The following PRRC2B variants were observed in gnomAD, a reference collection of about 807,000 sequenced individuals.
PRRC2B encodes the protein proline rich coiled-coil 2B.
In PRRC2B, 68 loss-of-function variants were observed where a neutral mutation model predicts 242.3. The ratio of observed to expected loss-of-function variants is 0.28; its 90% CI spans 0.23 to 0.34. The LOEUF (loss-of-function observed/expected upper bound fraction) is 0.34. Among genes scored for constraint, PRRC2B ranks in the 10% least tolerant of loss-of-function variants. The pLI, the probability that PRRC2B is intolerant of heterozygous loss-of-function variation, is 1.00. For synonymous variants in PRRC2B, 1,228 were observed against 1,173.6 expected (o/e 1.05, Z -0.95); for missense variants, 2,835 against 2,954.8 (o/e 0.96, Z 0.94).
In PRRC2B at chr9:131,446,658, G is replaced by A; in HGVS notation, c.855+16G>A. On this transcript the variant is annotated intron_variant, in intron 7 of 31. Transcript: ENST00000683519. The surrounding 1 kb of genome is among the most constrained non-coding windows in gnomAD (Gnocchi z 4.1). ...TCCTGCTTTTGTAAGTCTTCAGAGT[G>A]TACTTTTTTTCCCCCCATGAAGTTG... The A allele has an allele frequency of 1.2e-6, 2 of 1,612,486 alleles. No homozygotes were observed. The highest frequency in any genetic ancestry group is 1.3e-5 in the African/African-American group (1 of 74,974).
At chr9:131,375,959 G>A (rs1836677860) in intron 1 of PRRC2B, among the ~76,000 whole-genome samples, 1 of 149,512 alleles carries the variant, frequency 6.7e-6, no homozygotes, top group African/African-American at 2.5e-5. Context: ...TGAGGCAGGA[G>A]AATCACTTGA....
Position 131,487,597 on chromosome 9 carries a change from C to T in PRRC2B, c.5985-259C>T, listed in dbSNP as rs912668337. 2.6e-5 allele frequency among the ~76,000 whole-genome samples: 4 copies of T among 152,186 alleles called. No individual in the cohort carries two copies. The highest frequency in any genetic ancestry group is 4.4e-5 in the Non-Finnish European group (3 of 68,024). The stretch of plus-strand genomic sequence containing the variant: ...GTCTCCTCCCCACCGCGGGCTTCTC[C>T]GTCAGTGTGGCTGCCAGTCATTGTG... On this transcript the variant is annotated intron_variant, in intron 27 of 31. Coordinates refer to ENST00000683519, the MANE Select transcript of PRRC2B (RefSeq NM_013318.4). This position sits in a 1 kb window ranked among gnomAD's most constrained non-coding sequence, Gnocchi z 5.3.
chr9:131,379,325 G>A (rs12378591), intron 1 of PRRC2B, among the ~76,000 whole-genome samples: 134 of 152,154 alleles, frequency 8.8e-4, no homozygotes, highest in Non-Finnish European at 1.7e-3. Context: ...AGAATTTCTG[G>A]GTCATATGAG....
chr9:131,378,543 T>G (rs1836714806), intron 1 of PRRC2B, among the ~76,000 whole-genome samples: 1 of 152,146 alleles, frequency 6.6e-6, no homozygotes, highest in South Asian at 2.1e-4. Context: ...CCCCAAGGGC[T>G]GTGAGCAGCA....
intron 1 of PRRC2B, among the ~76,000 whole-genome samples, chr9:131,398,385 T>A (rs1379226879): frequency 6.6e-6 from 1 of 152,272 alleles, no homozygotes; most frequent in Admixed American, 6.5e-5. Flanking sequence ...TCCGAGGTGC[T>A]GGCAGCAGCA....
intron 1 of PRRC2B, among the ~76,000 whole-genome samples, chr9:131,410,528 G>C (rs1029858171): frequency 1.8e-4 from 28 of 152,182 alleles, no homozygotes; most frequent in African/African-American, 6.3e-4. Flanking sequence ...CACTGCCCAA[G>C]TAAGTCTGGA....
At position 131,386,112 on chromosome 9, in the gene PRRC2B, G is replaced by A. The variant is rs142719333; in HGVS notation, c.-56+12381G>A. On this transcript the variant is annotated intron_variant, in intron 1 of 1. Coordinates refer to the PRRC2B transcript ENST00000682525. ...TTTACGGGGCAAGTGAAGGATCTCT[G>A]TTTGTTTGTTTTTTTTAAGAGATAG... Among the ~76,000 whole-genome samples, 81 of 147,334 alleles carry A rather than the reference G, an allele frequency of 5.5e-4. 3 individuals carry two copies. The highest frequency in any genetic ancestry group is 7.8e-4 in the Admixed American group (11 of 14,060).
rs183100679 is a variant in PRRC2B at position 131,385,789 on chromosome 9, G to A, written c.-56+12058G>A. Among the ~76,000 whole-genome samples the A allele has an allele frequency of 2.4e-3, 358 of 150,070 alleles. 7 individuals are homozygous for A. Among genetic ancestry groups the A allele is most frequent in the Middle Eastern group, 0.014 (4 of 288 alleles). On this transcript the variant is annotated intron_variant, in intron 1 of 1. Coordinates refer to the PRRC2B transcript ENST00000682525. ...GCTCACTGCAAGCTCCGCCTCCTGGGTTCACGCCATTCTCCTGCCTCAGCC... is the reference window on the plus strand; with the variant it reads ...GCTCACTGCAAGCTCCGCCTCCTGGATTCACGCCATTCTCCTGCCTCAGCC...
At chr9:131,389,174 CAG>C (rs1276848361), upstream of PRRC2B, among the ~76,000 whole-genome samples, 2 of 114,770 alleles carry the variant, frequency 1.7e-5, no homozygotes, top group African/African-American at 3.4e-5. Flanking sequence ...TTTTTTGAGA[CAG>C]AGTTTCGCTC....
intron 26 of PRRC2B, 22 bp downstream of exon 26, chr9:131,486,204 G>A: frequency 6.5e-7 from 1 of 1,532,524 alleles, no homozygotes; most frequent in Non-Finnish European, 9.0e-7. Flanking sequence ...TAGCCAGGTG[G>A]CCTGGCTGGG....
In PRRC2B at chr9:131,495,831, C is replaced by T. The variant is rs758451962; in HGVS notation, c.6647C>T (p.Ala2216Val). The part of the protein sequence containing the change: ...SAASQMKRTG[A>V]IKPRAVKVEE... ...GCCTCCCAGATGAAGCGAACCGGAG[C>T]GATCAAGCCTCGGGCTGTCAAAGTG... Residue 2216 changes from alanine (A) to valine (V), a missense_variant, in exon 32 of 32, where the codon GCG becomes GTG. Around this residue, in one of 7 missense-constraint regions of PRRC2B, gnomAD observed 574 missense variants for 626.0 expected, o/e 0.92. Coordinates refer to ENST00000683519, the MANE Select transcript of PRRC2B (RefSeq NM_013318.4). 9.9e-6 allele frequency: 16 copies of T among 1,612,266 alleles called. No homozygotes were observed. The highest frequency in any genetic ancestry group is 2.7e-5 in the African/African-American group (2 of 75,038).
chr9:131,455,264 G>A, intron 10 of PRRC2B, 98 bp downstream of exon 10: 2 of 782,312 alleles, frequency 2.6e-6, no homozygotes, highest in Non-Finnish European at 4.2e-6. Flanking sequence ...ACCTGGAATG[G>A]CAGACAGATG....
intron 1 of PRRC2B, among the ~76,000 whole-genome samples, chr9:131,410,221 C>G (rs1432168895): frequency 6.6e-6 from 1 of 152,238 alleles, no homozygotes; most frequent in Non-Finnish European, 1.5e-5. Context: ...AGGCTTCAGC[C>G]CAAGCCTGCC....
chr9:131,439,962 A>G (rs2994058), intron 5 of PRRC2B, among the ~76,000 whole-genome samples: 148,390 of 151,688 alleles, frequency 0.98, 72,675 homozygotes, highest in East Asian at 1. Flanking sequence ...GCCCAGGCTG[A>G]TCTCAAACTC....
chr9:131,442,050 C>G (rs1316811434), intron 5 of PRRC2B, among the ~76,000 whole-genome samples: 1 of 152,000 alleles, frequency 6.6e-6, no homozygotes, highest in South Asian at 2.1e-4. Flanking sequence ...TCATGATTCT[C>G]GAAGCAGAAG....
intron 9 of PRRC2B, among the ~76,000 whole-genome samples, chr9:131,454,359 G>T (rs1483986262): frequency 1.3e-5 from 2 of 152,222 alleles, no homozygotes; most frequent in African/African-American, 4.8e-5. Flanking sequence ...TCAAGCTTCT[G>T]TATTCTAAGG....
chr9:131,432,872 AC>A lies in PRRC2B; in HGVS notation c.293+81del, dbSNP rs573744917. ...CGGCATCCTTCCCTGTGGCAAACTA[AC>A]CCTAACCCTTTGGCTACTGCAGCGC... On this transcript the variant is annotated intron_variant, in intron 3 of 31. Coordinates refer to ENST00000683519, the MANE Select transcript of PRRC2B (RefSeq NM_013318.4). 472 of 1,469,936 alleles carry A rather than the reference AC, an allele frequency of 3.2e-4. 2 individuals carry two copies. The African/African-American group carries it at 6.0e-3, about 19-fold the overall frequency. The allele number at this position is 1,469,936 out of a possible 1,614,324, so 91.1% of individuals were successfully genotyped here. A position where few individuals can be genotyped will look rare whatever the true frequency, so the allele number is the denominator to read the frequency against.
intron 11 of PRRC2B, among the ~76,000 whole-genome samples, chr9:131,463,271 G>T (rs1421361126): frequency 6.6e-6 from 1 of 152,142 alleles, no homozygotes; most frequent in Admixed American, 6.5e-5. Context: ...CTTATGAGAA[G>T]TTAATTTTTA....
chr9:131,440,081 T>G (rs982055399), intron 5 of PRRC2B, among the ~76,000 whole-genome samples: 2 of 151,872 alleles, frequency 1.3e-5, no homozygotes, highest in East Asian at 1.9e-4. Context: ...GACTGAGTGA[T>G]TGATTGGTTG....
Sources: allele counts gnomAD v4.1 joint callset (sites outside exome capture counted in the v4.1 genomes callset), GRCh38; gene constraint gnomAD v4.1.1; regional missense constraint gnomAD v4.1.1; non-coding constraint Gnocchi (gnomAD v3.1); transcripts MANE v1.5; gene names NCBI Gene and HGNC (gene_info 2026-07-23, HGNC 2026-07-21).